Variants in SYT14 observed in about 807,000 individuals in gnomAD.
The protein encoded by SYT14 is synaptotagmin 14, also known as synaptotagmin-14.
A neutral mutation model predicts 74.2 loss-of-function variants in SYT14; 32 were observed. The ratio of observed to expected loss-of-function variants is 0.43; its 90% CI spans 0.33 to 0.58. SYT14 has a LOEUF of 0.58. Ranked by LOEUF, SYT14 falls within the 20% of genes least tolerant of loss-of-function variation. The pLI is 0.05. For synonymous variants in SYT14, 298 were observed against 337.7 expected (o/e 0.88, Z 1.29); for missense variants, 791 against 981.8 (o/e 0.81, Z 2.60).
intron 4 of SYT14, among the ~76,000 whole-genome samples, chr1:210,018,596 AC>A (rs1172139490): frequency 6.6e-6 from 1 of 152,202 alleles, no homozygotes; most frequent in Non-Finnish European, 1.5e-5. Context: ...AGTAATAAGT[AC>A]ATTACAAATA....
chr1:210,059,393 T>C (rs934835358), intron 5 of SYT14, among the ~76,000 whole-genome samples: 33 of 148,314 alleles, frequency 2.2e-4, no homozygotes. Flanking sequence ...AGATAAATTA[T>C]ATATATACCT....
At chr1:209,941,899 G>A (rs1411666247) in intron 1 of SYT14, among the ~76,000 whole-genome samples, 2 of 152,108 alleles carry the variant, frequency 1.3e-5, no homozygotes, top group Non-Finnish European at 2.9e-5. Flanking sequence ...TATAACTTAT[G>A]CACATCCTCC....
intron 5 of SYT14, among the ~76,000 whole-genome samples, chr1:210,040,991 G>C (rs115960212): frequency 6.6e-6 from 1 of 152,196 alleles, no homozygotes; most frequent in Non-Finnish European, 1.5e-5. Context: ...TATGGTGCCT[G>C]TGGTGGCTTC....
chr1:210,072,805 A>G (rs2081418725), intron 5 of SYT14, among the ~76,000 whole-genome samples: 1 of 151,994 alleles, frequency 6.6e-6, no homozygotes, highest in Admixed American at 6.5e-5. Context: ...TGCAAATGAT[A>G]CAGTAGTTAA....
chr1:210,077,720 T>C (rs1374085769), intron 5 of SYT14, among the ~76,000 whole-genome samples: 7 of 152,206 alleles, frequency 4.6e-5, no homozygotes, highest in African/African-American at 1.7e-4. Context: ...TTATGAAAAT[T>C]CCTGTTTTTT....
At chr1:210,098,783 C>A (rs556532825) in intron 6 of SYT14, among the ~76,000 whole-genome samples, 4 of 152,030 alleles carry the variant, frequency 2.6e-5, no homozygotes, top group Admixed American at 2.6e-4. Context: ...CTGGCTCAAG[C>A]GATTCTCCTG....
chr1:210,104,535 T>C lies in SYT14; in HGVS notation c.2034+4074T>C, dbSNP rs558593480. ...ATATCCCTCTCATAATTTGAACTCT[T>C]ATATACACAGCTTTGTTCAGATGGC... is the stretch of plus-strand genomic sequence containing the variant. On this transcript the variant is annotated intron_variant, in intron 7 of 9. Transcript: ENST00000637265. 7.9e-5 allele frequency among the ~76,000 whole-genome samples: 12 copies of C among 152,292 alleles called. No individual in the cohort carries two copies. The East Asian group carries it at 2.3e-3, about 29-fold the overall frequency.
intron 5 of SYT14, among the ~76,000 whole-genome samples, chr1:210,091,874 A>T (rs1233795626): frequency 1.3e-5 from 2 of 152,194 alleles, no homozygotes; most frequent in African/African-American, 4.8e-5. Flanking sequence ...CATGTGACCC[A>T]GGTCTGTGCA....
intron 5 of SYT14, among the ~76,000 whole-genome samples, chr1:210,078,278 C>G (rs1357966964): frequency 7.4e-6 from 1 of 135,360 alleles, no homozygotes; most frequent in African/African-American, 2.8e-5. Context: ...CCACTGCACT[C>G]CAGCCTGGGC....
intron 2 of SYT14, among the ~76,000 whole-genome samples, chr1:210,010,432 T>C (rs897267566): frequency 2.0e-5 from 3 of 152,172 alleles, no homozygotes; most frequent in Admixed American, 6.6e-5. Flanking sequence ...TTAGTGCTTA[T>C]AGAATGCCAT....
intron 5 of SYT14, among the ~76,000 whole-genome samples, chr1:210,086,552 A>G (rs1423656894): frequency 6.6e-6 from 1 of 152,170 alleles, no homozygotes; most frequent in Non-Finnish European, 1.5e-5. Context: ...AGACTCTTCT[A>G]GGCTCATCAT....
At chr1:209,988,937 G>T (rs2079617631) in intron 2 of SYT14, among the ~76,000 whole-genome samples, 1 of 152,144 alleles carries the variant, frequency 6.6e-6, no homozygotes, top group Non-Finnish European at 1.5e-5. Flanking sequence ...ACATGAACTT[G>T]AGCACACTTG....
At chr1:209,990,550 T>TAC (rs1491554181) in intron 2 of SYT14, among the ~76,000 whole-genome samples, 2 of 806 alleles carry the variant, frequency 2.5e-3, no homozygotes, top group Non-Finnish European at 6.3e-3. Flanking sequence ...TATATATATG[T>TAC]ATATATATAC....
chr1:209,999,914 C>T (rs1191739438), intron 2 of SYT14, among the ~76,000 whole-genome samples: 1 of 152,020 alleles, frequency 6.6e-6, no homozygotes, highest in Non-Finnish European at 1.5e-5. Flanking sequence ...GAAATGTTCC[C>T]AGCACATGGA....
chr1:209,966,573 C>G (rs1464956923), intron 2 of SYT14, among the ~76,000 whole-genome samples: 1 of 152,046 alleles, frequency 6.6e-6, no homozygotes, highest in Non-Finnish European at 1.5e-5. Context: ...AGATATATCC[C>G]TAAGCATTTC....
intron 2 of SYT14, among the ~76,000 whole-genome samples, chr1:209,987,703 A>G (rs1350989821): frequency 6.6e-6 from 1 of 152,202 alleles, no homozygotes. Flanking sequence ...GTTTTACAAA[A>G]TTTCACCTTT....
At chr1:209,951,691 A>G (rs147084274) in intron 1 of SYT14, among the ~76,000 whole-genome samples, 156 of 152,304 alleles carry the variant, frequency 1.0e-3, no homozygotes, top group African/African-American at 3.8e-3. Context: ...GTCACAGCAA[A>G]CCCAAATCAA....
intron 2 of SYT14, among the ~76,000 whole-genome samples, chr1:209,982,804 A>G (rs2079509643): frequency 6.6e-6 from 1 of 152,182 alleles, no homozygotes; most frequent in African/African-American, 2.4e-5. Flanking sequence ...GCCATGTTGC[A>G]TTTACGGCAG....
At chr1:210,138,969 T>G (rs952222075) in intron 7 of SYT14, among the ~76,000 whole-genome samples, 9 of 152,188 alleles carry the variant, frequency 5.9e-5, no homozygotes, top group Non-Finnish European at 1.3e-4. Flanking sequence ...AATTTCATTT[T>G]TTATTGAAAT....
Sources: gnomAD v4.1 joint callset for allele counts (sites outside exome capture counted in the v4.1 genomes callset) on GRCh38, gnomAD v4.1.1 for gene constraint, MANE v1.5 for transcripts, NCBI Gene and HGNC (gene_info 2026-07-23, HGNC 2026-07-21) for gene names.